OTUD7A: variants seen among roughly 807,000 people sequenced by gnomAD.
OTUD7A encodes the protein OTU deubiquitinase 7A, also known as OTU domain-containing protein 7A.
Under a neutral mutation model 65.7 loss-of-function variants are expected in OTUD7A, and 12 were observed. The ratio of observed to expected loss-of-function variants is 0.18; its 90% CI spans 0.12 to 0.30. The LOEUF (loss-of-function observed/expected upper bound fraction) is 0.30. OTUD7A is among the 10% of genes least tolerant of loss of function. The pLI is 1.00. For synonymous variants in OTUD7A, 641 were observed against 586.3 expected (o/e 1.09, Z -1.35); for missense variants, 1,148 against 1,304.8 (o/e 0.88, Z 1.85).
At chr15:31,499,202 A>G (rs2041428335) in intron 10 of OTUD7A, among the ~76,000 whole-genome samples, 3 of 152,188 alleles carry the variant, frequency 2.0e-5, no homozygotes, top group Admixed American at 1.3e-4. Context: ...TCTCATTTCC[A>G]GGCTCTCAAA....
chr15:31,762,532 G>A (rs931981142), intron 1 of OTUD7A, among the ~76,000 whole-genome samples: 3 of 152,226 alleles, frequency 2.0e-5, no homozygotes, highest in Non-Finnish European at 2.9e-5. Context: ...CCTCTGAGCT[G>A]TGCATGCACG....
At chr15:31,811,415 CTG>C (rs1046552375) in intron 1 of OTUD7A, among the ~76,000 whole-genome samples, 2 of 150,996 alleles carry the variant, frequency 1.3e-5, no homozygotes, top group Non-Finnish European at 3.0e-5. Context: ...TGGGCTGTGT[CTG>C]TGTGTGTGGT....
chr15:31,847,833 A>G, intron 1 of OTUD7A, among the ~76,000 whole-genome samples: 1 of 152,226 alleles, frequency 6.6e-6, no homozygotes, highest in East Asian at 1.9e-4. Context: ...CTGAAAGACC[A>G]AGGATAAGCA....
At chr15:31,738,854 G>C (rs1023781492) in intron 1 of OTUD7A, among the ~76,000 whole-genome samples, 1 of 152,200 alleles carries the variant, frequency 6.6e-6, no homozygotes, top group Admixed American at 6.5e-5. Flanking sequence ...TTCAGCGGAC[G>C]ATTTTAAACT....
intron 1 of OTUD7A, among the ~76,000 whole-genome samples, chr15:31,827,273 G>C (rs1896820037): frequency 1.3e-5 from 2 of 152,238 alleles, no homozygotes; most frequent in Admixed American, 6.5e-5. Context: ...AGAAGGCAGG[G>C]AGGAGCAAGT....
chr15:31,854,830 C>T lies in OTUD7A; in HGVS notation c.-100+15677G>A, dbSNP rs1244360138. Among the ~76,000 whole-genome samples, 4 of 147,446 alleles carry T rather than the reference C, an allele frequency of 2.7e-5. No individual in the cohort carries two copies. In the East Asian group the frequency reaches 7.9e-4, roughly 29 times the overall value. ...TCCTAAAAAGGAAAAAAAAAAACAA[C>T]AACAACAAAGAAGAGATCATAAACC... On this transcript the variant is annotated intron_variant, in intron 1 of 12. Coordinates refer to ENST00000307050, the MANE Select transcript of OTUD7A (RefSeq NM_001382637.1).
chr15:31,547,461 T>C (rs1888168001), intron 5 of OTUD7A, among the ~76,000 whole-genome samples: 1 of 152,244 alleles, frequency 6.6e-6, no homozygotes, highest in South Asian at 2.1e-4. Flanking sequence ...GGTTCTATTT[T>C]CTAACCCTTC....
intron 9 of OTUD7A, among the ~76,000 whole-genome samples, chr15:31,502,387 T>G (rs1303191632): frequency 6.6e-5 from 10 of 152,322 alleles, no homozygotes; most frequent in Non-Finnish European, 1.0e-4. Flanking sequence ...CAGAAAAGCC[T>G]AACACCCTCA....
At chr15:31,859,629 G>A (rs1327413655) in intron 1 of OTUD7A, among the ~76,000 whole-genome samples, 1 of 152,178 alleles carries the variant, frequency 6.6e-6, no homozygotes, top group African/African-American at 2.4e-5. Context: ...TCCTGGACCT[G>A]TCTCCCTGCA....
chr15:31,728,458 C>T (rs949271900), intron 1 of OTUD7A, among the ~76,000 whole-genome samples: 1 of 152,216 alleles, frequency 6.6e-6, no homozygotes, highest in Non-Finnish European at 1.5e-5. Flanking sequence ...CTTAATTCTA[C>T]AGTTACAGAG....
rs2041117780 is a variant in OTUD7A at position 31,481,443 on chromosome 15, C to T, written c.*1851G>A. 1 of 152,178 alleles carries T rather than the reference C, an allele frequency of 6.6e-6. No homozygotes were observed. Among genetic ancestry groups the T allele is most frequent in the Admixed American group, 6.5e-5 (1 of 15,280 alleles). The allele number at this position is 152,178 out of a possible 1,614,324, so 9.4% of individuals were successfully genotyped here. A position where few individuals can be genotyped will look rare whatever the true frequency, so the allele number is the denominator to read the frequency against. On this transcript the variant is annotated 3_prime_UTR_variant, in exon 13 of 13. Transcript: ENST00000307050. ...CCTCTCCATGAGATTTTTAAAAAAC[C>T]ACTTTTGTTTTCTGAGTAATAAAAG...
At chr15:31,737,609 G>C (rs73378616) in intron 1 of OTUD7A, among the ~76,000 whole-genome samples, 2,566 of 152,276 alleles carry the variant, frequency 0.017, 79 homozygotes, top group African/African-American at 0.059. Context: ...TGTTGACTCA[G>C]TGGTCCCATT....
intron 1 of OTUD7A, among the ~76,000 whole-genome samples, chr15:31,764,705 TA>T (rs967505843): frequency 8.1e-4 from 122 of 151,294 alleles, no homozygotes; most frequent in South Asian, 1.7e-3. Context: ...TCACCTAGAT[TA>T]AAAAAAAATA....
chr15:31,610,617 ATTTTTTTTTT>A (rs58099939), intron 3 of OTUD7A, among the ~76,000 whole-genome samples: 1 of 30,560 alleles, frequency 3.3e-5, no homozygotes, highest in Non-Finnish European at 4.9e-5. Flanking sequence ...ATATATATAT[ATTTTTTTTTT>A]TTTTTTTTTT....
intron 1 of OTUD7A, among the ~76,000 whole-genome samples, chr15:31,689,730 AG>A (rs1404642125): frequency 6.6e-6 from 1 of 152,224 alleles, no homozygotes; most frequent in Non-Finnish European, 1.5e-5. Flanking sequence ...GAGACAGATG[AG>A]GATCAATGGG....
intron 1 of OTUD7A, among the ~76,000 whole-genome samples, chr15:31,839,090 A>C (rs1897125066): frequency 6.6e-6 from 1 of 152,244 alleles, no homozygotes; most frequent in South Asian, 2.1e-4. Context: ...TGGGAGAACC[A>C]GCAGAGTGGC....
intron 3 of OTUD7A, among the ~76,000 whole-genome samples, chr15:31,645,630 A>G (rs1307762571): frequency 4.6e-5 from 7 of 152,228 alleles, no homozygotes; most frequent in Admixed American, 3.9e-4. Context: ...AATATCAAAT[A>G]TCCAGTAAAT....
At chr15:31,778,612 A>T (rs1895452374) in intron 1 of OTUD7A, among the ~76,000 whole-genome samples, 1 of 152,198 alleles carries the variant, frequency 6.6e-6, no homozygotes. Flanking sequence ...CAGGCTACAG[A>T]GTGTTTGAGT....
intron 5 of OTUD7A, chr15:31,556,833 T>G (rs1046755336): frequency 6.6e-6 from 1 of 152,300 alleles, no homozygotes; most frequent in Non-Finnish European, 1.5e-5. Flanking sequence ...CTATGAATAG[T>G]GAGCTTTTTC....
Sources: gnomAD v4.1 joint callset for allele counts (sites outside exome capture counted in the v4.1 genomes callset) on GRCh38, gnomAD v4.1.1 for gene constraint, MANE v1.5 for transcripts, NCBI Gene and HGNC (gene_info 2026-07-23, HGNC 2026-07-21) for gene names.